Variants in MTUS2 observed in about 807,000 individuals in gnomAD.
The protein encoded by MTUS2 is microtubule-associated tumor suppressor candidate 2.
Under a neutral mutation model 114.1 loss-of-function variants are expected in MTUS2, and 40 were observed. The ratio of observed to expected loss-of-function variants is 0.35; its 90% confidence interval spans 0.27 to 0.46. The LOEUF (loss-of-function observed/expected upper bound fraction) is 0.46, where lower values mean the gene tolerates loss of function less well. Among genes scored for constraint, MTUS2 ranks in the 20% least tolerant of loss-of-function variants. MTUS2 has a pLI of 1.00. For synonymous variants in MTUS2, 688 were observed against 672.0 expected, an observed-to-expected ratio of 1.02 and a Z score of -0.37; for missense variants, 1,679 against 1,705.4, an observed-to-expected ratio of 0.98 and a Z score of 0.27.
chr13:29,387,324 C>T (rs7989542), intron 8 of MTUS2, among the ~76,000 whole-genome samples: 25,100 of 152,104 alleles, frequency 0.17, 2,958 homozygotes, highest in African/African-American at 0.34. Context: ...ATGCGGATTG[C>T]AAGTGGCGGG....
intron 9 of MTUS2, among the ~76,000 whole-genome samples, chr13:29,470,238 A>T (rs1880179851): frequency 6.6e-6 from 1 of 152,218 alleles, no homozygotes; most frequent in Non-Finnish European, 1.5e-5. Flanking sequence ...ACACCACAGC[A>T]TGTGAACCAG....
intron 7 of MTUS2, among the ~76,000 whole-genome samples, chr13:29,346,175 G>T (rs1352856305): frequency 1.3e-5 from 2 of 152,216 alleles, no homozygotes; most frequent in Admixed American, 1.3e-4. Flanking sequence ...CTCAGCTGCA[G>T]TAGTGTAGGG....
intron 2 of MTUS2, among the ~76,000 whole-genome samples, chr13:28,882,065 A>G (rs1878323511): frequency 6.6e-6 from 1 of 152,008 alleles, no homozygotes; most frequent in South Asian, 2.1e-4. Flanking sequence ...AAATTATTTC[A>G]ATTTTTTTTT....
Position 29,324,733 on chromosome 13 carries a change from T to C in MTUS2, c.2905+22T>C, listed in dbSNP as rs779102413. On this transcript the variant is annotated intron_variant, in intron 7 of 15. Transcript: ENST00000612955. ...CCAGGTATGTAAGAAATATGATGTG[T>C]TCCTTGGGGGAATGACTTGAACTTG... The C allele has an allele frequency of 1.2e-5, 18 of 1,554,816 alleles. 1 individual carries two copies. In the Middle Eastern group the frequency reaches 2.3e-3, roughly 201 times the overall value.
intron 2 of MTUS2, among the ~76,000 whole-genome samples, chr13:28,986,600 C>CT (rs1884598919): frequency 6.6e-6 from 1 of 152,212 alleles, no homozygotes; most frequent in Admixed American, 6.5e-5. Flanking sequence ...ATAGAATCCT[C>CT]TAACAGCACC....
chr13:29,185,056 T>C (rs781004878), intron 5 of MTUS2, among the ~76,000 whole-genome samples: 30 of 151,896 alleles, frequency 2.0e-4, no homozygotes, highest in Admixed American at 3.3e-4. Flanking sequence ...TCCCTAAATA[T>C]AAAATATCAA....
rs558110564 is a variant in MTUS2 at position 29,259,070 on chromosome 13, C to T, written c.2645-22634C>T. Among the ~76,000 whole-genome samples the T allele has an allele frequency of 1.3e-4, 20 of 152,332 alleles. No individual in the cohort carries two copies. In the East Asian group the frequency reaches 3.9e-3, roughly 29 times the overall value. On this transcript the variant is annotated intron_variant, in intron 5 of 15. Transcript: ENST00000612955. ...GATACTTTTACTTATTTTCCACTTA[C>T]AAACATTCTTCAATTGCATGTATTT...
chr13:28,957,376 C>T (rs1883120793), intron 2 of MTUS2, among the ~76,000 whole-genome samples: 1 of 152,156 alleles, frequency 6.6e-6, no homozygotes, highest in African/African-American at 2.4e-5. Flanking sequence ...GGATACTTTC[C>T]TTATTCTATT....
intron 5 of MTUS2, among the ~76,000 whole-genome samples, chr13:29,187,481 G>C (rs905313517): frequency 1.3e-5 from 2 of 152,128 alleles, no homozygotes; most frequent in Non-Finnish European, 2.9e-5. Context: ...TGTATACAAA[G>C]AAATTAGATA....
At chr13:29,358,208 A>C (rs373078988) in intron 7 of MTUS2, among the ~76,000 whole-genome samples, 1 of 152,232 alleles carries the variant, frequency 6.6e-6, no homozygotes, top group Non-Finnish European at 1.5e-5. Context: ...CCGCCTGCAC[A>C]TCCCAGGTCT....
chr13:29,222,003 T>C (rs549080393), intron 5 of MTUS2, among the ~76,000 whole-genome samples: 1 of 152,336 alleles, frequency 6.6e-6, no homozygotes, highest in African/African-American at 2.4e-5. Context: ...AGTGGCTATT[T>C]ATAGGCACCA....
intron 7 of MTUS2, among the ~76,000 whole-genome samples, chr13:29,357,833 T>G (rs1869877314): frequency 6.6e-6 from 1 of 152,238 alleles, no homozygotes; most frequent in Non-Finnish European, 1.5e-5. Flanking sequence ...TGATGACTTT[T>G]TAGGAGGAGA....
chr13:29,491,883 GTGTGTA>G (rs1882140885), intron 11 of MTUS2, among the ~76,000 whole-genome samples: 1 of 145,912 alleles, frequency 6.9e-6, no homozygotes, highest in Admixed American at 6.8e-5. Context: ...TGTGTGGTGG[GTGTGTA>G]TGTGTGCGTG....
At chr13:29,227,088 T>A (rs1896136452) in intron 5 of MTUS2, among the ~76,000 whole-genome samples, 1 of 151,948 alleles carries the variant, frequency 6.6e-6, no homozygotes, top group African/African-American at 2.4e-5. Context: ...CGAAACCCTG[T>A]CTTTACTAAA....
At chr13:28,943,438 C>G (rs1363826880) in intron 2 of MTUS2, among the ~76,000 whole-genome samples, 1 of 152,120 alleles carries the variant, frequency 6.6e-6, no homozygotes, top group Non-Finnish European at 1.5e-5. Flanking sequence ...TTAAACAGTT[C>G]AGTTTCTTAG....
chr13:28,910,016 A>C (rs1278196760), intron 2 of MTUS2, among the ~76,000 whole-genome samples: 1 of 152,192 alleles, frequency 6.6e-6, no homozygotes, highest in Admixed American at 6.6e-5. Context: ...TCCTTCAAGC[A>C]TTTATCCTTT....
chr13:29,075,289 G>A (rs950845055), intron 4 of MTUS2, among the ~76,000 whole-genome samples: 1 of 89,432 alleles, frequency 1.1e-5, no homozygotes, highest in Non-Finnish European at 2.6e-5. Flanking sequence ...CTGAACACAC[G>A]TTGGTACGGC....
chr13:29,306,457 A>G (rs1416853484), intron 6 of MTUS2, among the ~76,000 whole-genome samples: 1 of 152,230 alleles, frequency 6.6e-6, no homozygotes, highest in Non-Finnish European at 1.5e-5. Context: ...ATATAAAATC[A>G]GTCTGCAAAA....
At chr13:29,438,715 G>T (rs2138675183) in intron 8 of MTUS2, among the ~76,000 whole-genome samples, 1 of 152,232 alleles carries the variant, frequency 6.6e-6, no homozygotes, top group East Asian at 1.9e-4. Context: ...TTCCCTCAGG[G>T]ACAGATCTAT....
Sources: gnomAD v4.1 joint callset for allele counts (sites outside exome capture counted in the v4.1 genomes callset) on GRCh38, gnomAD v4.1.1 for gene constraint, MANE v1.5 for transcripts, NCBI Gene and HGNC (gene_info 2026-07-23, HGNC 2026-07-21) for gene names.